Variants in AXIN2 observed in about 807,000 individuals in gnomAD.
AXIN2 encodes axin 2.
A neutral mutation model predicts 74.7 loss-of-function variants in AXIN2; 21 were observed. That is an observed-to-expected ratio of 0.28 (90% confidence interval 0.20 to 0.40). The LOEUF (loss-of-function observed/expected upper bound fraction) is 0.40. Ranked by LOEUF, AXIN2 falls within the 10% of genes least tolerant of loss-of-function variation. The probability of loss-of-function intolerance (pLI) is 1.00; values close to 1 mark genes in which losing one functional copy is unlikely to be tolerated. For synonymous variants in AXIN2, 532 were observed against 454.9 expected (o/e 1.17, Z -2.16); for missense variants, 1,144 against 1,111.1 (o/e 1.03, Z -0.42).
intron 3 of AXIN2, among the ~76,000 whole-genome samples, chr17:65,542,536 C>T (rs1043286877): frequency 6.6e-6 from 1 of 152,092 alleles, no homozygotes; most frequent in Non-Finnish European, 1.5e-5. Context: ...GAGAAAGGGA[C>T]CTTTGGGCAA....
At chr17:65,541,593 C>G in intron 3 of AXIN2, 36 bp from the exon 4 acceptor site, 1 of 1,572,498 alleles carries the variant, frequency 6.4e-7, no homozygotes, top group Non-Finnish European at 8.8e-7. Context: ...CACAGGCTTA[C>G]GAGGATGTTT....
chr17:65,545,462 G>A (rs8072496), intron 3 of AXIN2, among the ~76,000 whole-genome samples: 20,600 of 152,028 alleles, frequency 0.14, 2,430 homozygotes, highest in African/African-American at 0.3. Context: ...GGCCGAGGTG[G>A]GTGGGTCACG....
At chr17:65,554,359 C>T (rs2044237386) in intron 2 of AXIN2, among the ~76,000 whole-genome samples, 1 of 152,234 alleles carries the variant, frequency 6.6e-6, no homozygotes, top group Admixed American at 6.5e-5. Context: ...TGAAAATTTA[C>T]TCACAAGGTC....
rs1437268396 is a variant in AXIN2 at position 65,537,012 on chromosome 17, C to G, written c.1764G>C (p.Pro588=). 2 of 1,611,056 alleles carry G rather than the reference C, an allele frequency of 1.2e-6. No individual in the cohort carries two copies. Among genetic ancestry groups the G allele is most frequent in the Non-Finnish European group, 1.7e-6 (2 of 1,179,880 alleles). Residue 588 remains proline (P), a synonymous_variant, in exon 7 of 11, where the codon CCG becomes CCC. Transcript: ENST00000307078. ...LPKRNGKGTE[P]GLALPAREGG... ...CTTCCCTGGCGGGCAGGGCCAGGCCCGGCTCCGTGCCTTTCCCATTGCGTT... is the reference window on the plus strand; with the variant it reads ...CTTCCCTGGCGGGCAGGGCCAGGCCGGGCTCCGTGCCTTTCCCATTGCGTT...
At chr17:65,535,922 C>G (rs964028131) in intron 8 of AXIN2, among the ~76,000 whole-genome samples, 5 of 152,192 alleles carry the variant, frequency 3.3e-5, no homozygotes, top group East Asian at 1.9e-4. Context: ...TCTAAGCCCC[C>G]CTGGGAGCCC....
In AXIN2 at chr17:65,537,486, T is replaced by A. The variant is rs769644525; in HGVS notation, c.1550A>T (p.His517Leu). The change falls in exon 6 of 11, where the codon CAC becomes CTC. Residue 517 changes from histidine to leucine, a missense_variant. Transcript: ENST00000307078. ...TKQTTKHVHH[H>L]YIHHHAVPKT... ...GGGGACGGCATGGTGGTGGATGTAG[T>A]GGTGGTGGACATGCTTCGTCGTCTG... 1.2e-6 allele frequency: 2 copies of A among 1,613,668 alleles called. No individual in the cohort carries two copies. Among genetic ancestry groups the A allele is most frequent in the Admixed American group, 3.3e-5 (2 of 60,010 alleles).
At position 65,561,431 on chromosome 17, in the gene AXIN2, G is replaced by T. The variant is rs1332491760; in HGVS notation, c.-117+19C>A. 1 of 149,902 alleles carries T rather than the reference G, an allele frequency of 6.7e-6. No homozygotes were observed. The highest frequency in any genetic ancestry group is 2.4e-5 in the African/African-American group (1 of 41,160). The allele number at this position is 149,902 out of a possible 1,614,324, so 9.3% of individuals were successfully genotyped here. A position where few individuals can be genotyped will look rare whatever the true frequency, so the allele number is the denominator to read the frequency against. ...CTTTCTTTGAAGCGGCTCCGCTGGG[G>T]CCGAGCTTCCACCCCCACCTTTTAC... On this transcript the variant is annotated intron_variant, in intron 1 of 10. Coordinates refer to ENST00000307078, the MANE Select transcript of AXIN2 (RefSeq NM_004655.4).
At chr17:65,552,162 C>T (rs1436710433) in intron 2 of AXIN2, among the ~76,000 whole-genome samples, 1 of 152,200 alleles carries the variant, frequency 6.6e-6, no homozygotes, top group Non-Finnish European at 1.5e-5. Context: ...GTAAAAAGAA[C>T]AGTTCATTCT....
chr17:65,532,845 G>A (rs1480409362), intron 10 of AXIN2, among the ~76,000 whole-genome samples: 1 of 152,234 alleles, frequency 6.6e-6, no homozygotes, highest in Admixed American at 6.5e-5. Context: ...ACACAGCTGA[G>A]GAGTTGGAAC....
Position 65,529,724 on chromosome 17 carries a change from C to T in AXIN2, c.*252G>A. 1 of 538,382 alleles carries T rather than the reference C, an allele frequency of 1.9e-6. No individual in the cohort carries two copies. Among genetic ancestry groups the T allele is most frequent in the South Asian group, 2.0e-5 (1 of 49,312 alleles). The allele number at this position is 538,382 out of a possible 1,614,324, so 33.4% of individuals were successfully genotyped here. A position where few individuals can be genotyped will look rare whatever the true frequency, so the allele number is the denominator to read the frequency against. On this transcript the variant is annotated 3_prime_UTR_variant, in exon 11 of 11. Coordinates refer to ENST00000307078, the MANE Select transcript of AXIN2 (RefSeq NM_004655.4). The stretch of plus-strand genomic sequence containing the variant: ...GTCTCTCAAATACAGGCAGCATCTT[C>T]AATAGCCAAGAGTGGTCATGTTTTT...
At chr17:65,557,740 T>C in intron 2 of AXIN2, 66 bp downstream of exon 2, 1 of 1,511,078 alleles carries the variant, frequency 6.6e-7, no homozygotes, top group Middle Eastern at 1.7e-4. Flanking sequence ...CATCCACCCA[T>C]CCACCATACT....
chr17:65,545,006 C>T (rs2044097790), intron 3 of AXIN2, among the ~76,000 whole-genome samples: 1 of 152,216 alleles, frequency 6.6e-6, no homozygotes, highest in African/African-American at 2.4e-5. Context: ...GATGCATTTC[C>T]TGGTGTCCAA....
At chr17:65,550,472 T>A (rs2044175993) in intron 2 of AXIN2, among the ~76,000 whole-genome samples, 1 of 152,152 alleles carries the variant, frequency 6.6e-6, no homozygotes, top group African/African-American at 2.4e-5. Flanking sequence ...ACAACCAGTG[T>A]GCACATCTCC....
intron 3 of AXIN2, 132 bp from the exon 4 acceptor site, chr17:65,541,689 TC>T: frequency 2.5e-6 from 2 of 786,622 alleles, no homozygotes; most frequent in South Asian, 2.8e-5. Context: ...GTCACATGTC[TC>T]CAGATACCAT....
At chr17:65,541,619 G>GGT (rs1369708903) in intron 3 of AXIN2, 62 bp from the exon 4 acceptor site, 5 of 1,352,552 alleles carry the variant, frequency 3.7e-6, no homozygotes, top group Non-Finnish European at 4.2e-6. Flanking sequence ...ACATCACATG[G>GGT]GCTACTGTCA....
At chr17:65,557,710 G>T in intron 2 of AXIN2, 96 bp downstream of exon 2, 1 of 1,290,106 alleles carries the variant, frequency 7.8e-7, no homozygotes, top group Non-Finnish European at 1.1e-6. Flanking sequence ...CAACAGACCT[G>T]TCAGTCTCTG....
intron 4 of AXIN2, among the ~76,000 whole-genome samples, chr17:65,540,134 G>A (rs2044018788): frequency 6.6e-6 from 1 of 152,222 alleles, no homozygotes; most frequent in African/African-American, 2.4e-5. Context: ...GGAGCCAGGA[G>A]GAGAAATGGT....
chr17:65,534,831 G>A (rs576866750), intron 9 of AXIN2, among the ~76,000 whole-genome samples: 5 of 152,308 alleles, frequency 3.3e-5, no homozygotes, highest in African/African-American at 4.8e-5. Flanking sequence ...TCGGGAGGCT[G>A]AGGCAGGAGA....
chr17:65,552,541 T>C (rs2044208192), intron 2 of AXIN2, among the ~76,000 whole-genome samples: 1 of 152,190 alleles, frequency 6.6e-6, no homozygotes, highest in Non-Finnish European at 1.5e-5. Flanking sequence ...TGGGCACTGC[T>C]GCCGGCTTGG....
Sources: gnomAD v4.1 joint callset for allele counts (sites outside exome capture counted in the v4.1 genomes callset) on GRCh38, gnomAD v4.1.1 for gene constraint, MANE v1.5 for transcripts, NCBI Gene and HGNC (gene_info 2026-07-23, HGNC 2026-07-21) for gene names.